The following TMEM132D variants were observed in gnomAD, a reference collection of about 807,000 sequenced individuals.
TMEM132D encodes the protein mature OL transmembrane protein.
In TMEM132D, 21 loss-of-function variants were observed where a neutral mutation model predicts 62.3. That is an observed-to-expected ratio of 0.34 (90% confidence interval 0.24 to 0.49). The LOEUF (loss-of-function observed/expected upper bound fraction) is 0.49. Among genes scored for constraint, TMEM132D ranks in the 20% least tolerant of loss-of-function variants. The probability of loss-of-function intolerance (pLI) is 0.99; values close to 1 mark genes in which losing one functional copy is unlikely to be tolerated. For missense variants in TMEM132D, 1,346 were observed against 1,402.8 expected, an observed-to-expected ratio of 0.96 and a Z score of 0.65; for synonymous variants, 621 against 575.6, an observed-to-expected ratio of 1.08 and a Z score of -1.13.
At chr12:129,248,033 T>A (rs897754356) in intron 4 of TMEM132D, among the ~76,000 whole-genome samples, 1 of 152,156 alleles carries the variant, frequency 6.6e-6, no homozygotes, top group African/African-American at 2.4e-5. Context: ...GCCAAAGCTA[T>A]CATTGTTCTC....
At chr12:129,635,385 G>C (rs776828509) in intron 2 of TMEM132D, among the ~76,000 whole-genome samples, 2 of 152,360 alleles carry the variant, frequency 1.3e-5, no homozygotes, top group East Asian at 3.9e-4. Context: ...ATGGCAAGGA[G>C]AGTCATCCAC....
At chr12:129,123,683 T>C (rs1425262768) in intron 5 of TMEM132D, among the ~76,000 whole-genome samples, 1 of 152,200 alleles carries the variant, frequency 6.6e-6, no homozygotes, top group Non-Finnish European at 1.5e-5. Context: ...CTGGCACAAA[T>C]TAATTTGAAG....
chr12:129,629,951 A>G (rs1261462091), intron 2 of TMEM132D, among the ~76,000 whole-genome samples: 2 of 152,216 alleles, frequency 1.3e-5, no homozygotes, highest in East Asian at 3.8e-4. Context: ...CTTCTGTTTT[A>G]TCTTTGAATT....
chr12:129,424,240 C>T (rs117520081), intron 3 of TMEM132D, among the ~76,000 whole-genome samples: 9 of 151,698 alleles, frequency 5.9e-5, no homozygotes, highest in East Asian at 3.9e-4. Flanking sequence ...ATCGCATGAG[C>T]GGGAAGCATA....
intron 5 of TMEM132D, among the ~76,000 whole-genome samples, chr12:129,184,881 A>G (rs113870750): frequency 8.9e-5 from 13 of 146,070 alleles, no homozygotes; most frequent in African/African-American, 3.3e-4. Context: ...TGGGGGTGGG[A>G]GTGTGTGTTT....
chr12:129,550,743 A>C (rs11611639), intron 2 of TMEM132D, among the ~76,000 whole-genome samples: 27 of 152,082 alleles, frequency 1.8e-4, no homozygotes, highest in South Asian at 4.1e-4. Context: ...TTAAATCTCC[A>C]CTCAGCTTTC....
At position 129,813,531 on chromosome 12, in the gene TMEM132D, T is replaced by C. The variant is rs1872250768; in HGVS notation, c.79+89730A>G. Among the ~76,000 whole-genome samples the C allele has an allele frequency of 1.3e-5, 2 of 150,762 alleles. 1 individual carries two copies. Among genetic ancestry groups the C allele is most frequent in the Non-Finnish European group, 2.9e-5 (2 of 67,830 alleles). ...CTCTGGTAAATCTGCCCTCCCACAT[T>C]CACTGCAGCCAACTCACAATAGGCG... On this transcript the variant is annotated intron_variant, in intron 1 of 8. Transcript: ENST00000422113.
chr12:129,874,749 T>G (rs1263724707), intron 1 of TMEM132D, among the ~76,000 whole-genome samples: 2 of 145,338 alleles, frequency 1.4e-5, no homozygotes, highest in African/African-American at 2.5e-5. Flanking sequence ...TCACCCAGGC[T>G]GGAGTGCAAT....
intron 3 of TMEM132D, among the ~76,000 whole-genome samples, chr12:129,488,840 C>T (rs1254948929): frequency 1.3e-5 from 2 of 151,174 alleles, no homozygotes; most frequent in African/African-American, 2.4e-5. Flanking sequence ...AAAAAAAAAG[C>T]CAAAACAATA....
intron 3 of TMEM132D, among the ~76,000 whole-genome samples, chr12:129,363,360 A>G (rs1188594231): frequency 1.3e-5 from 2 of 152,344 alleles, no homozygotes; most frequent in East Asian, 3.9e-4. Context: ...AGCAAAGACC[A>G]TTTTCCTTAT....
chr12:129,275,606 C>T (rs1880982616), intron 4 of TMEM132D, among the ~76,000 whole-genome samples: 1 of 152,180 alleles, frequency 6.6e-6, no homozygotes, highest in East Asian at 1.9e-4. Context: ...GCCCAGACAC[C>T]ACAGTTCAGG....
chr12:129,652,654 G>A (rs1374094234), intron 2 of TMEM132D, among the ~76,000 whole-genome samples: 4 of 152,212 alleles, frequency 2.6e-5, no homozygotes. Context: ...TGGCAAGAAT[G>A]CAAACTCTTC....
At chr12:129,124,437 A>G (rs1448273359) in intron 5 of TMEM132D, among the ~76,000 whole-genome samples, 1 of 152,226 alleles carries the variant, frequency 6.6e-6, no homozygotes, top group African/African-American at 2.4e-5. Flanking sequence ...AACATGGAAC[A>G]TTTGAGCTCT....
chr12:129,528,052 C>T (rs776746259), intron 3 of TMEM132D, among the ~76,000 whole-genome samples: 1 of 152,188 alleles, frequency 6.6e-6, no homozygotes, highest in South Asian at 2.1e-4. Context: ...CTATGACTCT[C>T]AAGCTAATTA....
At chr12:129,533,001 C>A (rs1436035769) in intron 2 of TMEM132D, among the ~76,000 whole-genome samples, 2 of 152,146 alleles carry the variant, frequency 1.3e-5, no homozygotes, top group African/African-American at 2.4e-5. Flanking sequence ...CATGCTGAGT[C>A]CTGTGAGTTC....
At chr12:129,091,251 A>C (rs1393159571) in intron 5 of TMEM132D, among the ~76,000 whole-genome samples, 1 of 139,048 alleles carries the variant, frequency 7.2e-6, no homozygotes, top group Non-Finnish European at 1.6e-5. Flanking sequence ...ACCCTACCTA[A>C]GTTCCCCTGG....
At position 129,209,409 on chromosome 12, in the gene TMEM132D, A is replaced by T. The variant is rs1021351948; in HGVS notation, c.1443+111T>A. ...GGATAACCAGAATGGGATGGGAGGG[A>T]TCCTGTGGGACCCAGAGGTCCCAGA... On this transcript the variant is annotated intron_variant, in intron 5 of 8. Transcript: ENST00000422113. 3 of 1,329,872 alleles carry T rather than the reference A, an allele frequency of 2.3e-6. No individual in the cohort carries two copies. In the Admixed American group the frequency reaches 6.6e-5, roughly 29 times the overall value. The allele number at this position is 1,329,872 out of a possible 1,614,324, so 82.4% of individuals were successfully genotyped here.
intron 5 of TMEM132D, among the ~76,000 whole-genome samples, chr12:129,168,591 C>T (rs1240065587): frequency 2.0e-5 from 3 of 152,180 alleles, no homozygotes; most frequent in South Asian, 4.1e-4. Context: ...TATTGTGGTT[C>T]CCAGAGCTGT....
intron 2 of TMEM132D, among the ~76,000 whole-genome samples, chr12:129,567,449 G>A (rs1041777941): frequency 6.6e-6 from 1 of 152,106 alleles, no homozygotes; most frequent in Non-Finnish European, 1.5e-5. Flanking sequence ...TATTAAAAAA[G>A]TATATATGCA....
Sources: gnomAD v4.1 joint callset for allele counts (sites outside exome capture counted in the v4.1 genomes callset) on GRCh38, gnomAD v4.1.1 for gene constraint, MANE v1.5 for transcripts, NCBI Gene and HGNC (gene_info 2026-07-23, HGNC 2026-07-21) for gene names.